Variants in PSMC1 observed in about 807,000 individuals in gnomAD.
PSMC1 encodes proteasome 26S subunit, ATPase 1.
In PSMC1, 5 loss-of-function variants were observed where a neutral mutation model predicts 49.8. The observed-to-expected ratio is 0.10, with a 90% CI of 0.05 to 0.21. The LOEUF is 0.21. PSMC1 is among the 10% of genes least tolerant of loss of function. The pLI is 1.00. For missense variants in PSMC1, 181 were observed against 535.7 expected (o/e 0.34, Z 6.54); for synonymous variants, 155 against 192.1 (o/e 0.81, Z 1.60).
chr14:90,260,718 C>A (rs576365914), intron 3 of PSMC1, among the ~76,000 whole-genome samples: 1 of 151,842 alleles, frequency 6.6e-6, no homozygotes, highest in Non-Finnish European at 1.5e-5. Flanking sequence ...GGCGACAGAG[C>A]GAGACTCCGT....
rs1200528323 is a variant in PSMC1, at chr14:90,273,738, A to C, written c.*1331A>C. The C allele has an allele frequency of 9.1e-5, 14 of 154,358 alleles. No individual in the cohort carries two copies. Among genetic ancestry groups the C allele is most frequent in the African/African-American group, 3.1e-4 (13 of 41,442 alleles). 9.6% of individuals were successfully genotyped at this position (154,358 alleles called of 1,614,324 possible). ...TTGTTGGCAGAATTTAATTTCTTGG[A>C]GTTGTGGGCCAGCTGAGGTCAGCAT... On this transcript the variant is annotated 3_prime_UTR_variant, in exon 11 of 11. Coordinates refer to ENST00000261303, the MANE Select transcript of PSMC1 (RefSeq NM_002802.3).
chr14:90,272,154 A>G lies in PSMC1; in HGVS notation c.1189-119A>G. 5.3e-6 allele frequency: 6 copies of G among 1,141,472 alleles called. No homozygotes were observed. The highest frequency in any genetic ancestry group is 1.6e-5 in the African/African-American group (1 of 62,500). 70.7% of individuals were successfully genotyped at this position (1,141,472 alleles called of 1,614,324 possible). A position where few individuals can be genotyped will look rare whatever the true frequency, so the allele number is the denominator to read the frequency against. ...GGCGATCCACCTGCCTCGGCCTCCCAGAGTGCTGGGATTACAGGTGTGAGC... is the reference window on the plus strand; with the variant it reads ...GGCGATCCACCTGCCTCGGCCTCCCGGAGTGCTGGGATTACAGGTGTGAGC... On this transcript the variant is annotated intron_variant, in intron 10 of 10. Transcript: ENST00000261303. The surrounding 1 kb of genome is among the most constrained non-coding windows in gnomAD (Gnocchi z 4.5).
rs991121476 is a variant in PSMC1 at position 90,269,430 on chromosome 14, T to C, written c.915T>C (p.Ile305=). The C allele has an allele frequency of 1.2e-6, 2 of 1,610,478 alleles. No individual in the cohort carries two copies. Among genetic ancestry groups the C allele is most frequent in the African/African-American group, 2.7e-5 (2 of 74,756 alleles). Residue 305 remains isoleucine (I), a synonymous_variant, in exon 9 of 11, where the codon ATT becomes ATC. Coordinates refer to ENST00000261303, the MANE Select transcript of PSMC1 (RefSeq NM_002802.3). The part of the protein sequence containing the change: ...YDSNSGGERE[I]QRTMLELLNQ... ...CCAATTCTGGTGGTGAGAGAGAAAT[T>C]CAGCGAACAATGTTGGAACTGCTGA...
At chr14:90,270,613 T>C in intron 10 of PSMC1, 1 of 334,408 alleles carries the variant, frequency 3.0e-6, no homozygotes, top group South Asian at 7.5e-5. Flanking sequence ...TAGGCCCAGG[T>C]GACTTTCTCA....
chr14:90,260,541 C>A (rs986671993), intron 3 of PSMC1, among the ~76,000 whole-genome samples: 1 of 152,102 alleles, frequency 6.6e-6, no homozygotes, highest in African/African-American at 2.4e-5. Flanking sequence ...ACCATCCTGG[C>A]AAAACACGGT....
chr14:90,270,273 G>C lies in PSMC1; in HGVS notation c.1109G>C (p.Ser370Thr). 2 of 1,613,704 alleles carry C rather than the reference G, an allele frequency of 1.2e-6. No homozygotes were observed. Among genetic ancestry groups the C allele is most frequent in the Non-Finnish European group, 1.7e-6 (2 of 1,179,894 alleles). The change falls in exon 10 of 11, where the codon AGC becomes ACC. Residue 370 changes from serine (S) to threonine (T), a missense_variant. Transcript: ENST00000261303. The part of the protein sequence containing the change: ...TKKRIFQIHT[S>T]RMTLADDVTL... ...AAGCGCATCTTTCAGATTCACACAAGCAGGATGACGCTGGCTGATGATGTA... is the reference window on the plus strand; with the variant it reads ...AAGCGCATCTTTCAGATTCACACAACCAGGATGACGCTGGCTGATGATGTA...
Position 90,260,120 on chromosome 14 carries a change from GA to G in PSMC1, c.68del (p.Lys23ArgfsTer30). ...TGCTATTCTAACAACTCAAGGACAAGAAAAAGAAATATGAACCTCCTGTACC... is the reference window on the plus strand; with the variant it reads ...TGCTATTCTAACAACTCAAGGACAAGAAAAGAAATATGAACCTCCTGTACC... Reference protein sequence around the residue: ...GGGKKDDKDKKKKYEPPVPTR... With the variant: ...GGGKKDDKDKXKKYEPPVPTR... On this transcript the variant is annotated frameshift_variant, in exon 3 of 11. Transcript: ENST00000261303. LOFTEE classifies it high-confidence loss of function. 6.4e-7 allele frequency: 1 copy of G among 1,574,680 alleles called. No individual in the cohort carries two copies.
In PSMC1 at chr14:90,264,107, A is replaced by G; in HGVS notation, c.532A>G (p.Lys178Glu). The part of the protein sequence containing the change: ...DPLVTVMKVE[K>E]APQETYADIG... ...CCTGGTCACAGTGATGAAGGTAGAA[A>G]AGGCCCCCCAGGAGACCTATGCAGA... The change falls in exon 6 of 11, where the codon AAG (lysine) becomes GAG (glutamate). Residue 178 changes from lysine (K) to glutamate (E), a missense_variant. Lys to Glu is a moderately conservative substitution (Grantham distance 56). This residue lies in a region of PSMC1 where 121 missense variants were observed against 358.6 expected (regional missense o/e 0.34). Transcript: ENST00000261303. The G allele has an allele frequency of 6.2e-7, 1 of 1,613,416 alleles. No homozygotes were observed. The highest frequency in any genetic ancestry group is 8.5e-7 in the Non-Finnish European group (1 of 1,179,850).
chr14:90,264,339 T>C lies in PSMC1; in HGVS notation c.594+170T>C, dbSNP rs145199182. Among the ~76,000 whole-genome samples the C allele has an allele frequency of 7.1e-3, 1,076 of 152,350 alleles. 10 individuals are homozygous for C. The highest frequency in any genetic ancestry group is 0.024 in the African/African-American group (997 of 41,578). On this transcript the variant is annotated intron_variant, in intron 6 of 10. Coordinates refer to ENST00000261303, the MANE Select transcript of PSMC1 (RefSeq NM_002802.3). ...TATTTGTTAATACTGAGTTAGGTGA[T>C]AGAAATAACAGTCAGTTGTGTGATA...
chr14:90,265,688 C>CAAAAAAAAAAA (rs35151204), intron 7 of PSMC1, among the ~76,000 whole-genome samples: 13 of 94,112 alleles, frequency 1.4e-4, no homozygotes, highest in African/African-American at 6.1e-4. Context: ...GACTACATCT[C>CAAAAAAAAAAA]AAAAAAAAAA....
chr14:90,271,747 T>C (rs1038550164), intron 10 of PSMC1: 1 of 152,522 alleles, frequency 6.6e-6, no homozygotes, highest in Non-Finnish European at 1.5e-5. Flanking sequence ...CTTGGGTCAG[T>C]CTTAGTTACA....
In PSMC1 at chr14:90,264,879, G is replaced by A. The variant is rs1052714813; in HGVS notation, c.595-191G>A. 3.3e-5 allele frequency among the ~76,000 whole-genome samples: 5 copies of A among 152,184 alleles called. No homozygotes were observed. The South Asian group carries it at 6.2e-4, about 19-fold the overall frequency. ...GTGGTTAGGGAGATGGAACGGGTGC[G>A]GGGAACTCAAGCAGGACAGGTGTCA... is the stretch of plus-strand genomic sequence containing the variant. On this transcript the variant is annotated intron_variant, in intron 6 of 10. Coordinates refer to ENST00000261303, the MANE Select transcript of PSMC1 (RefSeq NM_002802.3).
intron 1 of PSMC1, among the ~76,000 whole-genome samples, chr14:90,257,033 G>C (rs541642892): frequency 2.4e-4 from 37 of 152,308 alleles, no homozygotes; most frequent in African/African-American, 8.9e-4. Flanking sequence ...CTGAGGAGTT[G>C]AGCGCGGAGT....
chr14:90,259,783 G>A (rs1382670771), intron 2 of PSMC1, among the ~76,000 whole-genome samples: 2 of 151,678 alleles, frequency 1.3e-5, no homozygotes, highest in African/African-American at 2.4e-5. Flanking sequence ...CACCACACCC[G>A]GCTAATTTTT....
chr14:90,269,197 A>T lies in PSMC1; in HGVS notation c.882-200A>T, dbSNP rs186961186. Reference sequence around the variant, plus strand: ...CACACAGTAGGGATTAAGTTTCAACACATAAATTTGGGGAAATACATTCAG... The same window carrying T: ...CACACAGTAGGGATTAAGTTTCAACTCATAAATTTGGGGAAATACATTCAG... On this transcript the variant is annotated intron_variant, in intron 8 of 10. Transcript: ENST00000261303. The T allele has an allele frequency of 8.8e-6, 5 of 569,148 alleles. No homozygotes were observed. In the Admixed American group the frequency reaches 1.6e-4, roughly 18 times the overall value. The allele number at this position is 569,148 out of a possible 1,614,324, so 35.3% of individuals were successfully genotyped here.
At position 90,270,256 on chromosome 14, in the gene PSMC1, C is replaced by T. The variant is rs756313118; in HGVS notation, c.1092C>T (p.Ile364=). The T allele has an allele frequency of 1.9e-6, 3 of 1,613,658 alleles. No homozygotes were observed. Among genetic ancestry groups the T allele is most frequent in the Non-Finnish European group, 2.5e-6 (3 of 1,179,862 alleles). ...PLPDEKTKKR[I]FQIHTSRMTL... Reference sequence around the variant, plus strand: ...CTGATGAAAAGACGAAGAAGCGCATCTTTCAGATTCACACAAGCAGGATGA... The same window carrying T: ...CTGATGAAAAGACGAAGAAGCGCATTTTTCAGATTCACACAAGCAGGATGA... Residue 364 remains isoleucine (I), a synonymous_variant, in exon 10 of 11, where the codon ATC becomes ATT. Transcript: ENST00000261303.
In PSMC1 at chr14:90,268,507, G is replaced by A; in HGVS notation, c.881+94G>A. 2.4e-6 allele frequency: 3 copies of A among 1,268,140 alleles called. No individual in the cohort carries two copies. In the South Asian group the frequency reaches 4.1e-5, roughly 17 times the overall value. 78.6% of individuals were successfully genotyped at this position (1,268,140 alleles called of 1,614,324 possible). On this transcript the variant is annotated intron_variant, in intron 8 of 10. Transcript: ENST00000261303. ...AGCAATCTCAGGGGGCTCTCCCTATGGCCACAGTTCTTGCTGTGCGTGGCC... is the reference window on the plus strand; with the variant it reads ...AGCAATCTCAGGGGGCTCTCCCTATAGCCACAGTTCTTGCTGTGCGTGGCC...
At position 90,272,392 on chromosome 14, in the gene PSMC1, G is replaced by A. The variant is rs1378159347; in HGVS notation, c.1308G>A (p.Glu436=). The change falls in exon 11 of 11, where the codon GAG becomes GAA. Residue 436 remains glutamate (E), a synonymous_variant. Transcript: ENST00000261303. This position sits in a 1 kb window ranked among gnomAD's most constrained non-coding sequence, Gnocchi z 4.5. ...VLYKKQEGTP[E]GLYL The stretch of plus-strand genomic sequence containing the variant: ...ATAAGAAACAGGAAGGCACCCCTGA[G>A]GGGCTGTATCTCTAATGAACCATGG... 2 of 1,562,538 alleles carry A rather than the reference G, an allele frequency of 1.3e-6. No individual in the cohort carries two copies. The highest frequency in any genetic ancestry group is 1.7e-6 in the Non-Finnish European group (2 of 1,152,178).
rs185891535 is a variant in PSMC1 at position 90,269,390 on chromosome 14, T to C, written c.882-7T>C. The C allele has an allele frequency of 1.2e-4, 193 of 1,595,872 alleles. No individual in the cohort carries two copies. The highest frequency in any genetic ancestry group is 9.1e-4 in the Middle Eastern group (4 of 4,380). Reference sequence around the variant, plus strand: ...TCTTCATTCCTTCCCTTTTTTTTTTTCCAAAGATATGACTCCAATTCTGGT... The same window carrying C: ...TCTTCATTCCTTCCCTTTTTTTTTTCCCAAAGATATGACTCCAATTCTGGT... On this transcript the variant is annotated splice_polypyrimidine_tract_variant and splice_region_variant and intron_variant, in intron 8 of 10. Coordinates refer to ENST00000261303, the MANE Select transcript of PSMC1 (RefSeq NM_002802.3).
Sources: allele counts gnomAD v4.1 joint callset (sites outside exome capture counted in the v4.1 genomes callset), GRCh38; gene constraint gnomAD v4.1.1; regional missense constraint gnomAD v4.1.1; non-coding constraint Gnocchi (gnomAD v3.1); transcripts MANE v1.5; gene names NCBI Gene and HGNC (gene_info 2026-07-23, HGNC 2026-07-21).